ITIH2: variants seen among roughly 807,000 people sequenced by gnomAD.
The protein encoded by ITIH2 is inter-alpha-trypsin inhibitor heavy chain 2, also known as inter-alpha-trypsin inhibitor heavy chain H2.
Under a neutral mutation model 104.4 loss-of-function variants are expected in ITIH2, and 103 were observed. That is an observed-to-expected ratio of 0.99 (90% confidence interval 0.84 to 1.16). The LOEUF is 1.16. ITIH2 is among the 50% of genes most tolerant of loss of function. The pLI is 0.00. For missense variants in ITIH2, 1,108 were observed against 1,162.4 expected, an observed-to-expected ratio of 0.95 and a Z score of 0.68; for synonymous variants, 436 against 435.4, an observed-to-expected ratio of 1.00 and a Z score of -0.02.
At chr10:7,723,985 C>T (rs865928555) in intron 9 of ITIH2, among the ~76,000 whole-genome samples, 11 of 152,122 alleles carry the variant, frequency 7.2e-5, no homozygotes, top group South Asian at 2.1e-4. Flanking sequence ...TGTCATTGTC[C>T]ACATATGACT....
At chr10:7,714,519 C>T (rs577035479) in intron 5 of ITIH2, among the ~76,000 whole-genome samples, 6 of 152,186 alleles carry the variant, frequency 3.9e-5, no homozygotes, top group Non-Finnish European at 8.8e-5. Context: ...TCCTCCTCTC[C>T]TCTTCTCTTA....
In ITIH2 at chr10:7,738,758, G is replaced by C. The variant is rs771187299; in HGVS notation, c.2095G>C (p.Val699Leu). Residue 699 changes from valine (V) to leucine (L), a missense_variant and splice_region_variant, in exon 16 of 21, where the codon GTT becomes CTT. Val to Leu is a conservative substitution (Grantham distance 32, BLOSUM62 1). Transcript: ENST00000358415. ...CACGCCACCCCCACATGTGATGAGA[G>C]GTAACGCTTCTACACTGCTTGCACG... Reference protein sequence around the residue: ...ESTPPPHVMRVENDPHFIIYL... With the variant: ...ESTPPPHVMRLENDPHFIIYL... 1.4e-5 allele frequency: 22 copies of C among 1,606,244 alleles called. No homozygotes were observed. Among genetic ancestry groups the C allele is most frequent in the Non-Finnish European group, 1.8e-5 (21 of 1,176,378 alleles).
intron 2 of ITIH2, among the ~76,000 whole-genome samples, chr10:7,706,878 A>G (rs1834752094): frequency 6.6e-6 from 1 of 152,154 alleles, no homozygotes; most frequent in Admixed American, 6.5e-5. Flanking sequence ...TGAGTAAAAA[A>G]TAGAGCAAAT....
chr10:7,743,967 C>T, intron 17 of ITIH2, 115 bp from the exon 18 acceptor site: 1 of 624,828 alleles, frequency 1.6e-6, no homozygotes, highest in Non-Finnish European at 2.6e-6. Flanking sequence ...AATCTTGAAG[C>T]AAAATTATAA....
At chr10:7,718,565 GGTTT>G (rs1404912441) in intron 6 of ITIH2, among the ~76,000 whole-genome samples, 24 of 152,082 alleles carry the variant, frequency 1.6e-4, no homozygotes, top group African/African-American at 5.3e-4. Flanking sequence ...CATATGTGCA[GGTTT>G]GTTACACAGG....
chr10:7,746,678 G>C lies in ITIH2; in HGVS notation c.2667G>C (p.Val889=). Residue 889 remains valine (V), a synonymous_variant, in exon 20 of 21, where the codon GTG becomes GTC. Coordinates refer to ENST00000358415, the MANE Select transcript of ITIH2 (RefSeq NM_002216.3). The stretch of plus-strand genomic sequence containing the variant: ...AGAAGCCAGAGGCCAGCATGGAAGT[G>C]AAGGGGCAGAAGCTGATCATCACCA... ...DPEKPEASME[V]KGQKLIITRG... The C allele has an allele frequency of 6.2e-7, 1 of 1,613,130 alleles. No homozygotes were observed. The highest frequency in any genetic ancestry group is 8.5e-7 in the Non-Finnish European group (1 of 1,179,174).
chr10:7,735,917 C>T (rs1835051548), intron 15 of ITIH2, among the ~76,000 whole-genome samples: 1 of 152,188 alleles, frequency 6.6e-6, no homozygotes, highest in Non-Finnish European at 1.5e-5. Context: ...AGGCGATCCA[C>T]TTGCCTTGGC....
At chr10:7,733,103 A>T (rs985434080) in intron 14 of ITIH2, among the ~76,000 whole-genome samples, 12 of 152,064 alleles carry the variant, frequency 7.9e-5, no homozygotes, top group Non-Finnish European at 1.6e-4. Flanking sequence ...CCAGATCCAG[A>T]TGTAGGTTCC....
chr10:7,705,324 G>A (rs1834736693), intron 2 of ITIH2, 142 bp downstream of exon 2: 1 of 660,936 alleles, frequency 1.5e-6, no homozygotes. Flanking sequence ...CTTACACCTT[G>A]GTGGAAGAGA....
intron 12 of ITIH2, 81 bp from the exon 13 acceptor site, chr10:7,731,730 A>T: frequency 9.4e-7 from 1 of 1,061,412 alleles, no homozygotes; most frequent in Non-Finnish European, 1.3e-6. Flanking sequence ...GTCTCAAAAT[A>T]AATAAATAAA....
intron 4 of ITIH2, among the ~76,000 whole-genome samples, chr10:7,711,231 C>T (rs1834794850): frequency 6.6e-6 from 1 of 152,194 alleles, no homozygotes; most frequent in African/African-American, 2.4e-5. Context: ...AGGAAGATGG[C>T]TTACAGCTTC....
rs147827077 is a variant in ITIH2, at chr10:7,717,584, A to G, written c.468-42A>G. 445 of 1,593,448 alleles carry G rather than the reference A, an allele frequency of 2.8e-4. 6 individuals are homozygous for G. The East Asian group carries it at 9.7e-3, about 35-fold the overall frequency. ...CCTAGATTCTGGGTCTTGCTGCTCA[A>G]TCATGTATCTGTTGACTTTTGTTGG... On this transcript the variant is annotated intron_variant, in intron 5 of 20. Transcript: ENST00000358415.
chr10:7,707,326 G>C (rs533196003), intron 3 of ITIH2, 93 bp downstream of exon 3: 3 of 927,386 alleles, frequency 3.2e-6, no homozygotes, highest in African/African-American at 1.6e-5. Context: ...CTTCATCACC[G>C]AGTATTTACC....
chr10:7,742,949 C>A (rs936487194), intron 16 of ITIH2, among the ~76,000 whole-genome samples, 197 bp from the exon 17 acceptor site: 4 of 152,030 alleles, frequency 2.6e-5, no homozygotes, highest in Admixed American at 6.5e-5. Flanking sequence ...ACATAGGGTT[C>A]TGAAGAAGGC....
Position 7,705,138 on chromosome 10 carries a change from G to C in ITIH2, c.115G>C (p.Ala39Pro). Reference sequence around the variant, plus strand: ...AGACTATGAAGATCTTGTGGAACTGGCCCCAGGCAAATTTCAATTGGTGGC... The same window carrying C: ...AGACTATGAAGATCTTGTGGAACTGCCCCCAGGCAAATTTCAATTGGTGGC... ...FVDYEDLVEL[A>P]PGKFQLVAEN... Residue 39 changes from alanine to proline, a missense_variant, in exon 2 of 21, where the codon GCC becomes CCC. By Grantham distance (27) the Ala-to-Pro change is conservative. Coordinates refer to ENST00000358415, the MANE Select transcript of ITIH2 (RefSeq NM_002216.3). 1 of 1,612,782 alleles carries C rather than the reference G, an allele frequency of 6.2e-7. No homozygotes were observed. Among genetic ancestry groups the C allele is most frequent in the Non-Finnish European group, 8.5e-7 (1 of 1,179,118 alleles).
chr10:7,716,026 C>A (rs1834846397), intron 5 of ITIH2, among the ~76,000 whole-genome samples: 2 of 151,968 alleles, frequency 1.3e-5, no homozygotes, highest in African/African-American at 2.4e-5. Flanking sequence ...CCACGCCCGG[C>A]TAATTTTTGT....
At position 7,717,505 on chromosome 10, in the gene ITIH2, T is replaced by C. The variant is rs1834860908; in HGVS notation, c.468-121T>C. On this transcript the variant is annotated intron_variant, in intron 5 of 20. Transcript: ENST00000358415. ...TATCTCTAGTGTACCTACTGTTCAC[T>C]TTCATGAACTACTGAGCAGAACGGA... The C allele has an allele frequency of 4.8e-6, 4 of 838,738 alleles. No individual in the cohort carries two copies. The Admixed American group carries it at 6.2e-5, about 13-fold the overall frequency. The allele number at this position is 838,738 out of a possible 1,614,324, so 52.0% of individuals were successfully genotyped here. A position where few individuals can be genotyped will look rare whatever the true frequency, so the allele number is the denominator to read the frequency against.
intron 16 of ITIH2, among the ~76,000 whole-genome samples, chr10:7,741,044 G>A (rs968507410): frequency 2.0e-5 from 3 of 152,118 alleles, no homozygotes; most frequent in Non-Finnish European, 4.4e-5. Context: ...TCTGATTGGC[G>A]GGATTTGAGC....
intron 8 of ITIH2, among the ~76,000 whole-genome samples, chr10:7,722,747 TC>T (rs1234274550): frequency 2.0e-5 from 3 of 152,182 alleles, no homozygotes; most frequent in Non-Finnish European, 4.4e-5. Flanking sequence ...TAGAGAACCG[TC>T]CCCTGGGTGC....
Sources: allele counts gnomAD v4.1 joint callset (sites outside exome capture counted in the v4.1 genomes callset), GRCh38; gene constraint gnomAD v4.1.1; transcripts MANE v1.5; gene names NCBI Gene and HGNC (gene_info 2026-07-23, HGNC 2026-07-21).